The following ZBTB20 variants were observed in gnomAD, a reference collection of about 807,000 sequenced individuals.
ZBTB20 encodes the protein zinc finger and BTB domain containing 20.
A neutral mutation model predicts 56.9 loss-of-function variants in ZBTB20; 9 were observed. The ratio of observed to expected loss-of-function variants is 0.16; its 90% CI spans 0.10 to 0.28. The LOEUF (loss-of-function observed/expected upper bound fraction) is 0.28. ZBTB20 is among the 10% of genes least tolerant of loss of function. ZBTB20 has a pLI of 1.00. For missense variants in ZBTB20, 655 were observed against 1,003.0 expected (o/e 0.65, Z 4.69); for synonymous variants, 417 against 420.7 (o/e 0.99, Z 0.11).
chr3:115,049,894 A>G (rs1472220207), intron 2 of ZBTB20, among the ~76,000 whole-genome samples: 1 of 152,142 alleles, frequency 6.6e-6, no homozygotes, highest in Non-Finnish European at 1.5e-5. Context: ...AATAAAATGT[A>G]ATACAAGTTT....
intron 1 of ZBTB20, among the ~76,000 whole-genome samples, chr3:115,095,656 A>G (rs2083354489): frequency 6.6e-6 from 1 of 152,236 alleles, no homozygotes; most frequent in Non-Finnish European, 1.5e-5. Flanking sequence ...TACTACATAC[A>G]TGATAGTAAT....
rs539204779 is a variant in ZBTB20 at position 115,112,036 on chromosome 3, T to C, written c.-703+35183A>G. On this transcript the variant is annotated intron_variant, in intron 1 of 11. Transcript: ENST00000675478. ...AGTGTATGCTCCCTCAGTAAAAACA[T>C]TTAAAACTTTGCACAGATCACTGTT... 2.6e-5 allele frequency among the ~76,000 whole-genome samples: 4 copies of C among 152,316 alleles called. No individual in the cohort carries two copies. The South Asian group carries it at 8.3e-4, about 32-fold the overall frequency.
chr3:114,380,838 G>C lies in ZBTB20; in HGVS notation c.-51C>G, dbSNP rs2084243719. Reference sequence around the variant, plus strand: ...TCGTGGAGTAATGGGAGGAGCACTGGACTGGGAGTCAGGAGACTTGAGCTA... The same window carrying C: ...TCGTGGAGTAATGGGAGGAGCACTGCACTGGGAGTCAGGAGACTTGAGCTA... On this transcript the variant is annotated 5_prime_UTR_variant, in exon 9 of 12. Transcript: ENST00000675478. The C allele has an allele frequency of 1.4e-6, 2 of 1,457,096 alleles. No homozygotes were observed. Among genetic ancestry groups the C allele is most frequent in the Non-Finnish European group, 1.8e-6 (2 of 1,111,472 alleles). The allele number at this position is 1,457,096 out of a possible 1,614,324, so 90.3% of individuals were successfully genotyped here. A position where few individuals can be genotyped will look rare whatever the true frequency, so the allele number is the denominator to read the frequency against.
intron 7 of ZBTB20, among the ~76,000 whole-genome samples, chr3:114,405,235 A>C (rs898955642): frequency 6.6e-6 from 1 of 152,144 alleles, no homozygotes; most frequent in African/African-American, 2.4e-5. Context: ...CTGTTTCTTA[A>C]AAGAAGTTTA....
At chr3:114,749,567 A>C (rs1172235417) in intron 5 of ZBTB20, among the ~76,000 whole-genome samples, 1 of 103,754 alleles carries the variant, frequency 9.6e-6, no homozygotes, top group Non-Finnish European at 1.9e-5. Flanking sequence ...AGAAAGAAAG[A>C]AAAGGAAGGA....
chr3:114,523,034 G>A (rs1443667048), intron 6 of ZBTB20, among the ~76,000 whole-genome samples: 1 of 152,080 alleles, frequency 6.6e-6, no homozygotes, highest in Non-Finnish European at 1.5e-5. Flanking sequence ...CAAAGATTGA[G>A]CTCTAGGGCC....
chr3:114,945,126 A>G (rs1164820293), intron 3 of ZBTB20, among the ~76,000 whole-genome samples: 2 of 145,510 alleles, frequency 1.4e-5, no homozygotes, highest in African/African-American at 5.6e-5. Flanking sequence ...AATAAAAATA[A>G]AGCAAAACAT....
intron 2 of ZBTB20, among the ~76,000 whole-genome samples, chr3:115,059,082 TA>T (rs1270077107): frequency 6.6e-5 from 10 of 152,216 alleles, no homozygotes; most frequent in African/African-American, 2.4e-4. Context: ...AGCTTTCCTT[TA>T]AATCCTTGAT....
chr3:114,871,517 G>A (rs554293965), intron 4 of ZBTB20, among the ~76,000 whole-genome samples: 1 of 152,186 alleles, frequency 6.6e-6, no homozygotes, highest in African/African-American at 2.4e-5. Context: ...GGTATAAAAT[G>A]TATCTTTCTC....
intron 4 of ZBTB20, among the ~76,000 whole-genome samples, chr3:114,803,786 T>G (rs547699261): frequency 1.2e-3 from 186 of 150,140 alleles, no homozygotes; most frequent in African/African-American, 4.5e-3. Flanking sequence ...TCTGTTTTTT[T>G]TTTTTTTTTT....
intron 10 of ZBTB20, chr3:114,359,523 A>G: frequency 6.6e-6 from 1 of 152,172 alleles, no homozygotes. Context: ...ATGCCTTTAA[A>G]TCCTCTTATA....
intron 6 of ZBTB20, among the ~76,000 whole-genome samples, chr3:114,640,665 A>G (rs1416673679): frequency 6.6e-6 from 1 of 152,110 alleles, no homozygotes; most frequent in Admixed American, 6.6e-5. Flanking sequence ...GTTACCCTGT[A>G]TATAAGCTTT....
chr3:114,712,554 G>A (rs1383843980), intron 5 of ZBTB20, among the ~76,000 whole-genome samples: 2 of 151,606 alleles, frequency 1.3e-5, no homozygotes, highest in African/African-American at 4.9e-5. Context: ...TCGGGAAGCT[G>A]AGGCAGGAGA....
chr3:114,517,900 A>C (rs1355351562), intron 6 of ZBTB20, among the ~76,000 whole-genome samples: 1 of 152,082 alleles, frequency 6.6e-6, no homozygotes, highest in Non-Finnish European at 1.5e-5. Context: ...TTAAGCGCTT[A>C]CTGTATACCA....
intron 5 of ZBTB20, among the ~76,000 whole-genome samples, chr3:114,737,936 C>G (rs983876336): frequency 6.6e-6 from 1 of 152,094 alleles, no homozygotes; most frequent in African/African-American, 2.4e-5. Context: ...ACTGTATAAA[C>G]TTCCAAAATC....
chr3:114,997,290 C>G (rs2079066588), intron 2 of ZBTB20, among the ~76,000 whole-genome samples: 2 of 151,488 alleles, frequency 1.3e-5, no homozygotes, highest in South Asian at 4.2e-4. Flanking sequence ...AGTGTAGAAC[C>G]TTTGGGGTGA....
intron 5 of ZBTB20, among the ~76,000 whole-genome samples, chr3:114,712,670 A>G (rs893864432): frequency 6.6e-6 from 1 of 152,034 alleles, no homozygotes; most frequent in African/African-American, 2.4e-5. Flanking sequence ...AAAAAAAAAA[A>G]AGAGTTCAGT....
At chr3:114,473,589 G>C (rs1320350898) in intron 7 of ZBTB20, among the ~76,000 whole-genome samples, 1 of 152,182 alleles carries the variant, frequency 6.6e-6, no homozygotes, top group East Asian at 1.9e-4. Context: ...TGGTGACTGG[G>C]AAGGCTGAGG....
intron 4 of ZBTB20, among the ~76,000 whole-genome samples, chr3:114,837,842 T>C (rs2074195406): frequency 1.3e-5 from 2 of 150,952 alleles, no homozygotes; most frequent in South Asian, 4.2e-4. Context: ...AGAAGCTGCC[T>C]ATTATAATTG....
Sources: gnomAD v4.1 joint callset for allele counts (sites outside exome capture counted in the v4.1 genomes callset) on GRCh38, gnomAD v4.1.1 for gene constraint, MANE v1.5 for transcripts, NCBI Gene and HGNC (gene_info 2026-07-23, HGNC 2026-07-21) for gene names.